The following STKLD1 variants were observed in gnomAD, a reference collection of about 807,000 sequenced individuals.
The protein encoded by STKLD1 is serine/threonine kinase like domain containing 1.
STKLD1 carries 79 observed loss-of-function variants against 80.4 expected under a neutral mutation model. The ratio of observed to expected loss-of-function variants is 0.98; its 90% CI spans 0.82 to 1.19. STKLD1 has a LOEUF of 1.19. Ranked by LOEUF, STKLD1 falls within the 50% of genes most tolerant of loss-of-function variation. The pLI is 0.00. For missense variants in STKLD1, 841 were observed against 856.0 expected (o/e 0.98, Z 0.22); for synonymous variants, 393 against 357.6 (o/e 1.10, Z -1.12).
intron 2 of STKLD1, among the ~76,000 whole-genome samples, chr9:133,382,030 T>C (rs1564375180): frequency 2.0e-5 from 3 of 152,206 alleles, no homozygotes; most frequent in Admixed American, 6.5e-5. Flanking sequence ...AGTGGTAGTA[T>C]ATACCTAGGG....
At position 133,394,361 on chromosome 9, in the gene STKLD1, G is replaced by A. The variant is rs782711387; in HGVS notation, c.654G>A (p.Trp218Ter). The A allele has an allele frequency of 5.0e-6, 8 of 1,613,868 alleles. No homozygotes were observed. Among genetic ancestry groups the A allele is most frequent in the Non-Finnish European group, 6.8e-6 (8 of 1,179,946 alleles). ...CCTTCAGCCAGAAATCAGACATCTG[G>A]TCCCTGGGCTGCATCATTCTGGACA... Reference protein sequence around the residue: ...NFSFSQKSDIWSLGCIILDMT... With the variant: ...NFSFSQKSDI Residue 218 changes from tryptophan (W) to a stop codon, truncating the protein, a stop_gained, in exon 8 of 18, where the codon TGG (tryptophan) becomes TGA (stop). Coordinates refer to ENST00000371957, the MANE Select transcript of STKLD1 (RefSeq NM_153710.5). LOFTEE classifies it high-confidence loss of function. The surrounding 1 kb of genome is among the most constrained non-coding windows in gnomAD (Gnocchi z 4.9).
chr9:133,383,496 G>A (rs1412786046), intron 2 of STKLD1, among the ~76,000 whole-genome samples: 9 of 42,492 alleles, frequency 2.1e-4, no homozygotes, highest in African/African-American at 3.2e-4. Flanking sequence ...GGTGATGATG[G>A]TGGTGATGGT....
intron 11 of STKLD1, 122 bp downstream of exon 11, chr9:133,398,177 C>A: frequency 1.2e-6 from 1 of 800,504 alleles, no homozygotes; most frequent in African/African-American, 1.7e-5. Flanking sequence ...TTTATTGCAG[C>A]GTGGAGGCGT....
At chr9:133,401,191 T>G (rs1320319234) in intron 12 of STKLD1, among the ~76,000 whole-genome samples, 30 of 148,382 alleles carry the variant, frequency 2.0e-4, no homozygotes, top group African/African-American at 7.6e-4. Flanking sequence ...CCCAGGCGAG[T>G]GCAGTGGCGC....
chr9:133,393,185 T>A (rs1248760062), intron 7 of STKLD1, among the ~76,000 whole-genome samples: 1 of 115,684 alleles, frequency 8.6e-6, no homozygotes, highest in East Asian at 2.7e-4. Flanking sequence ...ATGGATTGGA[T>A]GAGTGCATGG....
At chr9:133,396,083 A>C in intron 9 of STKLD1, 5 of 197,648 alleles carry the variant, frequency 2.5e-5, no homozygotes, top group East Asian at 1.1e-4. Context: ...CCTAAAGACA[A>C]TGGTCACCTT....
chr9:133,401,469 TC>T (rs2130686539), intron 12 of STKLD1, among the ~76,000 whole-genome samples: 2 of 152,256 alleles, frequency 1.3e-5, no homozygotes, highest in East Asian at 3.9e-4. Flanking sequence ...AGTTTGGAGT[TC>T]CATGCAATGT....
chr9:133,401,935 G>A, intron 13 of STKLD1, 57 bp downstream of exon 13: 3 of 1,593,420 alleles, frequency 1.9e-6, no homozygotes, highest in Admixed American at 1.7e-5. Flanking sequence ...CCTTCCCAGG[G>A]GTCTTGGAAG....
Position 133,385,496 on chromosome 9 carries a change from C to T in STKLD1, c.220-121C>T. ...ACCGTGCAGCTTCCCTGAGCCCACT[C>T]CCTGGCCCAGCTCAGAGCCCGAGGC... is the stretch of plus-strand genomic sequence containing the variant. On this transcript the variant is annotated intron_variant, in intron 3 of 17. Transcript: ENST00000371957. The surrounding 1 kb of genome is among the most constrained non-coding windows in gnomAD (Gnocchi z 4.9). 1 of 998,298 alleles carries T rather than the reference C, an allele frequency of 1.0e-6. No individual in the cohort carries two copies. Among genetic ancestry groups the T allele is most frequent in the Non-Finnish European group, 1.5e-6 (1 of 656,638 alleles). 61.8% of individuals were successfully genotyped at this position (998,298 alleles called of 1,614,324 possible).
At chr9:133,396,844 G>A (rs1018752055) in intron 9 of STKLD1, among the ~76,000 whole-genome samples, 3 of 152,162 alleles carry the variant, frequency 2.0e-5, no homozygotes, top group Non-Finnish European at 4.4e-5. Context: ...TACCAACGCA[G>A]TTGTAAAATC....
chr9:133,387,622 T>TAACAGCGGG (rs1428745794), intron 5 of STKLD1, 74 bp downstream of exon 5: 1 of 1,201,152 alleles, frequency 8.3e-7, no homozygotes, highest in Non-Finnish European at 1.2e-6. Flanking sequence ...CAGGGCAAAG[T>TAACAGCGGG]AACAGCGGGA....
Position 133,403,836 on chromosome 9 carries a change from G to A in STKLD1, c.1603+8G>A. ...GGCTGCTGTCCCTGCTGGGTGAGCT[G>A]GGTGGGCGCCCTGGGCCCCTGGGGC... On this transcript the variant is annotated splice_region_variant and intron_variant, in intron 15 of 17. Transcript: ENST00000371957. The A allele has an allele frequency of 6.2e-7, 1 of 1,613,210 alleles. No homozygotes were observed. The highest frequency in any genetic ancestry group is 1.7e-4 in the Middle Eastern group (1 of 6,056).
chr9:133,379,028 G>T lies in STKLD1; in HGVS notation c.88-8G>T. On this transcript the variant is annotated splice_region_variant and splice_polypyrimidine_tract_variant and intron_variant, in intron 1 of 17. Transcript: ENST00000371957. ...TTTCCTGAAAGCTTCTCTCTTCCTT[G>T]CTGATAGGTTTTGTACCAGCTGAAT... 6 of 1,612,070 alleles carry T rather than the reference G, an allele frequency of 3.7e-6. No individual in the cohort carries two copies. Among genetic ancestry groups the T allele is most frequent in the Non-Finnish European group, 5.1e-6 (6 of 1,179,038 alleles).
chr9:133,383,740 G>A, intron 2 of STKLD1, 116 bp from the exon 3 acceptor site: 1 of 898,472 alleles, frequency 1.1e-6, no homozygotes, highest in Non-Finnish European at 1.9e-6. Context: ...GATGGTTGTG[G>A]TGGAGGTGGT....
intron 12 of STKLD1, among the ~76,000 whole-genome samples, chr9:133,401,453 G>T (rs1295617444): frequency 6.6e-6 from 1 of 152,172 alleles, no homozygotes; most frequent in Non-Finnish European, 1.5e-5. Flanking sequence ...TAGTTTCACT[G>T]TTGGAAGTTT....
At chr9:133,386,184 G>A (rs1838262656) in intron 4 of STKLD1, among the ~76,000 whole-genome samples, 1 of 152,230 alleles carries the variant, frequency 6.6e-6, no homozygotes, top group African/African-American at 2.4e-5. Flanking sequence ...CTCCCAAAGT[G>A]CTGGGATTAG....
chr9:133,395,490 C>T (rs1452817584), intron 8 of STKLD1, 110 bp from the exon 9 acceptor site: 2 of 1,235,612 alleles, frequency 1.6e-6, no homozygotes, highest in African/African-American at 1.5e-5. Context: ...ACACCTGGCT[C>T]TCCCTGGTCT....
At chr9:133,393,719 G>A (rs1014641545) in intron 7 of STKLD1, among the ~76,000 whole-genome samples, 4 of 152,086 alleles carry the variant, frequency 2.6e-5, no homozygotes, top group Non-Finnish European at 4.4e-5. Flanking sequence ...CAGATGGTTG[G>A]TTCTATTGGA....
rs2119225409 is a variant in STKLD1, at chr9:133,392,686, A to AT, written c.584-1605_584-1604insT. Among the ~76,000 whole-genome samples, 320 of 46,612 alleles carry AT rather than the reference A, an allele frequency of 6.9e-3. 43 individuals carry two copies. Among genetic ancestry groups the AT allele is most frequent in the African/African-American group, 0.03 (282 of 9,470 alleles). 30.6% of individuals were successfully genotyped at this position (46,612 alleles called of 152,430 possible). ...GGGTGGGTGGGTGAGTGGATGGGTG[A>AT]GTAGGTGAGTGGATGAGTGGATGGA... On this transcript the variant is annotated intron_variant, in intron 7 of 17. Coordinates refer to ENST00000371957, the MANE Select transcript of STKLD1 (RefSeq NM_153710.5).
Sources: allele counts gnomAD v4.1 joint callset (sites outside exome capture counted in the v4.1 genomes callset), GRCh38; gene constraint gnomAD v4.1.1; non-coding constraint Gnocchi (gnomAD v3.1); transcripts MANE v1.5; gene names NCBI Gene and HGNC (gene_info 2026-07-23, HGNC 2026-07-21).